Variants in HERC4 observed in about 807,000 individuals in gnomAD.
The protein encoded by HERC4 is HECT and RLD domain containing E3 ubiquitin protein ligase 4, also known as probable E3 ubiquitin-protein ligase HERC4.
Under a neutral mutation model 124.3 loss-of-function variants are expected in HERC4, and 28 were observed. That is an observed-to-expected ratio of 0.23 (90% CI 0.17 to 0.31). The LOEUF (loss-of-function observed/expected upper bound fraction) is 0.31. Among genes scored for constraint, HERC4 ranks in the 10% least tolerant of loss-of-function variants. The pLI is 1.00. For missense variants in HERC4, 713 were observed against 1,229.3 expected (o/e 0.58, Z 6.28); for synonymous variants, 407 against 421.5 (o/e 0.97, Z 0.42).
intron 11 of HERC4, 26 bp from the exon 12 acceptor site, chr10:67,991,225 A>C: frequency 7.8e-7 from 1 of 1,277,228 alleles, no homozygotes; most frequent in Non-Finnish European, 1.1e-6. Flanking sequence ...AAGTTTTTTT[A>C]ATCATAGAAT....
intron 8 of HERC4, among the ~76,000 whole-genome samples, chr10:68,016,352 T>C (rs903513759): frequency 1.4e-4 from 22 of 152,168 alleles, no homozygotes; most frequent in Admixed American, 2.0e-4. Context: ...TATTTCTTTT[T>C]TAAAAATTTT....
At chr10:68,006,107 C>T (rs1041060664) in intron 9 of HERC4, among the ~76,000 whole-genome samples, 12 of 152,130 alleles carry the variant, frequency 7.9e-5, no homozygotes, top group African/African-American at 2.9e-4. Context: ...TTTATTACAT[C>T]TATTTATATC....
intron 9 of HERC4, among the ~76,000 whole-genome samples, chr10:68,006,173 G>T (rs996845757): frequency 6.6e-6 from 1 of 151,916 alleles, no homozygotes; most frequent in Non-Finnish European, 1.5e-5. Context: ...TCTTTGATCC[G>T]TTTTAGTCTT....
intron 8 of HERC4, 107 bp downstream of exon 8, chr10:68,025,439 G>T: frequency 8.0e-7 from 1 of 1,244,116 alleles, no homozygotes; most frequent in Non-Finnish European, 1.1e-6. Context: ...GTATTTGGGG[G>T]CAGAATGTGT....
At chr10:68,032,675 C>A in intron 7 of HERC4, 103 bp downstream of exon 7, 1 of 621,732 alleles carries the variant, frequency 1.6e-6, no homozygotes, top group South Asian at 2.3e-5. Context: ...TTTGAAATAC[C>A]AATAACACTC....
At chr10:67,982,780 T>A (rs1214439530) in intron 15 of HERC4, among the ~76,000 whole-genome samples, 6 of 151,814 alleles carry the variant, frequency 4.0e-5, no homozygotes, top group Non-Finnish European at 8.8e-5. Context: ...ATAATCCAAT[T>A]TAAAAAGTGG....
chr10:67,991,273 T>A, intron 11 of HERC4, 74 bp from the exon 12 acceptor site: 1 of 808,744 alleles, frequency 1.2e-6, no homozygotes, highest in South Asian at 2.5e-5. Context: ...AAAAAAGAAT[T>A]AAAATGAATA....
intron 3 of HERC4, among the ~76,000 whole-genome samples, chr10:68,053,953 C>T (rs967852329): frequency 6.6e-6 from 1 of 152,124 alleles, no homozygotes; most frequent in Admixed American, 6.5e-5. Flanking sequence ...AAGGAATATA[C>T]GTTGTCAAAT....
At chr10:67,949,608 AC>A (rs2033649314) in intron 19 of HERC4, among the ~76,000 whole-genome samples, 1 of 152,256 alleles carries the variant, frequency 6.6e-6, no homozygotes, top group Admixed American at 6.5e-5. Context: ...AAAGGATTAT[AC>A]ACTATTACCA....
intron 15 of HERC4, among the ~76,000 whole-genome samples, chr10:67,974,072 G>GTATA (rs71468900): frequency 3.7e-5 from 1 of 27,008 alleles, no homozygotes; most frequent in African/African-American, 8.0e-5. Context: ...AAAAATTACT[G>GTATA]TACACACACA....
At chr10:67,970,600 A>C (rs955692801) in intron 15 of HERC4, among the ~76,000 whole-genome samples, 3 of 152,046 alleles carry the variant, frequency 2.0e-5, no homozygotes, top group African/African-American at 7.2e-5. Context: ...TCAAAAAAAA[A>C]AAAAAATCAA....
At chr10:67,969,375 C>T (rs531381728) in intron 15 of HERC4, among the ~76,000 whole-genome samples, 1 of 152,090 alleles carries the variant, frequency 6.6e-6, no homozygotes. Context: ...TAGTATGAAA[C>T]CCCGCAGAGT....
intron 23 of HERC4, among the ~76,000 whole-genome samples, chr10:67,926,166 G>A (rs1238304879): frequency 2.6e-5 from 4 of 152,254 alleles, no homozygotes; most frequent in African/African-American, 7.2e-5. Flanking sequence ...TGTCCAAGCC[G>A]GGCAGATCAC....
chr10:68,022,722 C>A (rs2038702730), intron 8 of HERC4, among the ~76,000 whole-genome samples: 1 of 151,702 alleles, frequency 6.6e-6, no homozygotes, highest in Non-Finnish European at 1.5e-5. Flanking sequence ...AAGCTTCATG[C>A]ATCAAAAGAC....
chr10:68,044,686 A>C, intron 3 of HERC4, 123 bp from the exon 4 acceptor site: 1 of 847,300 alleles, frequency 1.2e-6, no homozygotes, highest in Admixed American at 2.5e-5. Context: ...CAAACAAGCT[A>C]AAGAAATGCT....
chr10:68,061,532 C>CAAAAAAAA (rs59169970), intron 3 of HERC4, among the ~76,000 whole-genome samples: 2 of 13,990 alleles, frequency 1.4e-4, no homozygotes, highest in Non-Finnish European at 2.8e-4. Context: ...GACTCCGTCT[C>CAAAAAAAA]AAAAAAAAAA....
chr10:67,958,171 GTACGTAGTTTAAA>G (rs2034269172), intron 16 of HERC4, among the ~76,000 whole-genome samples: 1 of 152,164 alleles, frequency 6.6e-6, no homozygotes, highest in Admixed American at 6.5e-5. Context: ...GCTGGGAAGT[GTACGTAGTTTAAA>G]TATTTTAAGT....
chr10:67,987,385 A>G (rs1423593194), intron 15 of HERC4, among the ~76,000 whole-genome samples: 1 of 152,220 alleles, frequency 6.6e-6, no homozygotes, highest in African/African-American at 2.4e-5. Context: ...CAGAATGAGT[A>G]ATTATTTGGT....
chr10:68,004,928 T>C lies in HERC4; in HGVS notation c.1069+9098A>G, dbSNP rs2037449455. ...GAGGATTACGATTCAAGATGAGATT[T>C]GGGTGGGGGCACAAAGCCTAACCAT... On this transcript the variant is annotated intron_variant, in intron 9 of 24. Transcript: ENST00000373700. Among the ~76,000 whole-genome samples the C allele has an allele frequency of 2.0e-5, 3 of 152,330 alleles. 1 individual carries two copies. In the South Asian group the frequency reaches 6.2e-4, roughly 32 times the overall value.
Sources: allele counts gnomAD v4.1 joint callset (sites outside exome capture counted in the v4.1 genomes callset), GRCh38; gene constraint gnomAD v4.1.1; transcripts MANE v1.5; gene names NCBI Gene and HGNC (gene_info 2026-07-23, HGNC 2026-07-21).